OXR1: variants seen among roughly 807,000 people sequenced by gnomAD.
OXR1 encodes the protein oxidation resistance protein 1.
OXR1 carries 41 observed loss-of-function variants against 104.6 expected under a neutral mutation model. The observed-to-expected ratio is 0.39, with a 90% CI of 0.31 to 0.51. The LOEUF (loss-of-function observed/expected upper bound fraction) is 0.51, where lower values mean the gene tolerates loss of function less well. Ranked by LOEUF, OXR1 falls within the 20% of genes least tolerant of loss-of-function variation. The probability of loss-of-function intolerance (pLI) is 0.77; values close to 1 mark genes in which losing one functional copy is unlikely to be tolerated. For synonymous variants in OXR1, 348 were observed against 348.4 expected (o/e 1.00, Z 0.01); for missense variants, 955 against 1,031.9 (o/e 0.93, Z 1.02).
rs558508628 is a variant in OXR1 at position 106,683,103 on chromosome 8, G to A, written c.304-96G>A. ...TGACAATACCAGTTGTTAATCAAATGTAAGCTGGTCCCTAGATATATTAAT... is the reference window on the plus strand; with the variant it reads ...TGACAATACCAGTTGTTAATCAAATATAAGCTGGTCCCTAGATATATTAAT... On this transcript the variant is annotated intron_variant, in intron 4 of 16. Transcript: ENST00000517566. The A allele has an allele frequency of 5.1e-6, 3 of 585,238 alleles. No individual in the cohort carries two copies. In the South Asian group the frequency reaches 7.3e-5, roughly 14 times the overall value. The allele number at this position is 585,238 out of a possible 1,614,324, so 36.3% of individuals were successfully genotyped here.
intron 4 of OXR1, among the ~76,000 whole-genome samples, chr8:106,680,536 G>A (rs889860285): frequency 1.2e-4 from 18 of 151,816 alleles, no homozygotes; most frequent in African/African-American, 4.4e-4. Flanking sequence ...GAAACTAATT[G>A]TACTACATTT....
chr8:106,728,702 A>G (rs1397340650), intron 11 of OXR1, among the ~76,000 whole-genome samples: 1 of 152,188 alleles, frequency 6.6e-6, no homozygotes, highest in Non-Finnish European at 1.5e-5. Context: ...ATTTGAAGCT[A>G]TTCATGTATT....
At chr8:106,734,066 CTG>C (rs1295273917) in intron 11 of OXR1, among the ~76,000 whole-genome samples, 1 of 150,114 alleles carries the variant, frequency 6.7e-6, no homozygotes, top group Non-Finnish European at 1.5e-5. Flanking sequence ...TCTTGGCTCA[CTG>C]CAGCCTCAAC....
At chr8:106,697,635 C>T (rs1830179763) in intron 7 of OXR1, 4 of 1,613,912 alleles carry the variant, frequency 2.5e-6, no homozygotes, top group Non-Finnish European at 3.4e-6. Flanking sequence ...TCAGCGTCCG[C>T]TGCACACAGG....
At chr8:106,669,246 C>T (rs1438694613) in intron 3 of OXR1, among the ~76,000 whole-genome samples, 1 of 151,938 alleles carries the variant, frequency 6.6e-6, no homozygotes, top group Non-Finnish European at 1.5e-5. Context: ...TTAATTTATT[C>T]ATTTTAGGGT....
In OXR1 at chr8:106,505,317, A is replaced by T. The variant is rs79689440; in HGVS notation, c.24-13626A>T. ...GGGTCATTGATTCATGAACTGATTG[A>T]TTCACTCATTTATTAATTCATATAG... On this transcript the variant is annotated intron_variant, in intron 2 of 16. Transcript: ENST00000517566. Among the ~76,000 whole-genome samples, 1,216 of 152,310 alleles carry T rather than the reference A, an allele frequency of 8.0e-3. 7 individuals carry two copies. Among genetic ancestry groups the T allele is most frequent in the Non-Finnish European group, 0.014 (920 of 68,012 alleles).
At chr8:106,714,008 T>G in intron 11 of OXR1, 23 bp downstream of exon 11, 1 of 1,516,110 alleles carries the variant, frequency 6.6e-7, no homozygotes, top group Non-Finnish European at 8.9e-7. Context: ...ATATGAAGAT[T>G]TTAGTCATCT....
chr8:106,574,507 CTAAG>C (rs1183780147), intron 3 of OXR1, among the ~76,000 whole-genome samples: 2 of 152,230 alleles, frequency 1.3e-5, no homozygotes, highest in East Asian at 3.8e-4. Context: ...ACACCTAGCA[CTAAG>C]TAAGTCTAGG....
chr8:106,623,996 C>T (rs1253699793), intron 3 of OXR1, among the ~76,000 whole-genome samples: 2 of 152,080 alleles, frequency 1.3e-5, no homozygotes, highest in Admixed American at 6.5e-5. Context: ...GCTTCAGCTT[C>T]CTACAGCACA....
chr8:106,311,317 G>A (rs1201501016), intron 1 of OXR1, among the ~76,000 whole-genome samples: 1 of 151,524 alleles, frequency 6.6e-6, no homozygotes, highest in African/African-American at 2.4e-5. Flanking sequence ...TCCTTTTTTT[G>A]GTTTCTTTTG....
At chr8:106,520,798 C>T (rs530419280) in intron 3 of OXR1, among the ~76,000 whole-genome samples, 9 of 152,154 alleles carry the variant, frequency 5.9e-5, no homozygotes, top group Non-Finnish European at 1.3e-4. Context: ...GCGAAAAAGA[C>T]ACAATTAGTA....
intron 6 of OXR1, among the ~76,000 whole-genome samples, chr8:106,685,586 T>C (rs1465383727): frequency 1.3e-5 from 2 of 152,118 alleles, no homozygotes; most frequent in Non-Finnish European, 2.9e-5. Context: ...GATAAAGTTA[T>C]GTGAATGATC....
chr8:106,599,291 C>A (rs899748342), intron 3 of OXR1, among the ~76,000 whole-genome samples: 1 of 152,112 alleles, frequency 6.6e-6, no homozygotes, highest in African/African-American at 2.4e-5. Context: ...AGTTACTCAA[C>A]CAGAGTAGTT....
chr8:106,617,974 G>A (rs1423099984), intron 3 of OXR1: 4 of 983,414 alleles, frequency 4.1e-6, no homozygotes, highest in Non-Finnish European at 4.8e-6. Context: ...AGTTTCCTGT[G>A]TGCAGAAACA....
chr8:106,567,443 G>A (rs1817162626), intron 3 of OXR1, among the ~76,000 whole-genome samples: 3 of 152,014 alleles, frequency 2.0e-5, no homozygotes, highest in Non-Finnish European at 2.9e-5. Flanking sequence ...CTTTTGTTTT[G>A]TGCTTACTTC....
intron 2 of OXR1, among the ~76,000 whole-genome samples, chr8:106,420,480 T>G (rs190167378): frequency 1.6e-4 from 24 of 152,110 alleles, no homozygotes; most frequent in Admixed American, 1.6e-3. Context: ...TTAAAATCGC[T>G]TTAAAACATT....
At chr8:106,306,011 C>A (rs1033697482) in intron 1 of OXR1, among the ~76,000 whole-genome samples, 1 of 151,788 alleles carries the variant, frequency 6.6e-6, no homozygotes, top group South Asian at 2.1e-4. Flanking sequence ...TTTTAGGTTA[C>A]CCTTCTTGTG....
chr8:106,525,337 A>G (rs1414181197), intron 3 of OXR1, among the ~76,000 whole-genome samples: 1 of 152,192 alleles, frequency 6.6e-6, no homozygotes, highest in African/African-American at 2.4e-5. Flanking sequence ...AGATTTGTCT[A>G]AGGTCACAGC....
rs1020107619 is a variant in OXR1, at chr8:106,270,355, T to A, written c.-151T>A. The stretch of plus-strand genomic sequence containing the variant: ...GCCGCCGCTCACCGCAGCCCCCTCC[T>A]GGCGACCCGCAAGTAAGTTTGTGAG... On this transcript the variant is annotated 5_prime_UTR_variant, in exon 1 of 17. Transcript: ENST00000517566. 6.6e-6 allele frequency: 1 copy of A among 152,396 alleles called. No individual in the cohort carries two copies. Among genetic ancestry groups the A allele is most frequent in the Middle Eastern group, 3.2e-3 (1 of 316 alleles). The allele number at this position is 152,396 out of a possible 1,614,324, so 9.4% of individuals were successfully genotyped here. A position where few individuals can be genotyped will look rare whatever the true frequency, so the allele number is the denominator to read the frequency against.
Sources: gnomAD v4.1 joint callset for allele counts (sites outside exome capture counted in the v4.1 genomes callset) on GRCh38, gnomAD v4.1.1 for gene constraint, MANE v1.5 for transcripts, NCBI Gene and HGNC (gene_info 2026-07-23, HGNC 2026-07-21) for gene names.